The following HS6ST2 variants were observed in gnomAD, a reference collection of about 807,000 sequenced individuals.
The protein encoded by HS6ST2 is heparan-sulfate 6-O-sulfotransferase 2.
Under a neutral mutation model 33.0 loss-of-function variants are expected in HS6ST2, and 17 were observed. The observed-to-expected ratio is 0.52, with a 90% CI of 0.35 to 0.77. The LOEUF (loss-of-function observed/expected upper bound fraction) is 0.77. Ranked by LOEUF, HS6ST2 falls within the 30% of genes least tolerant of loss-of-function variation. The pLI is 0.01. For synonymous variants in HS6ST2, 248 were observed against 237.1 expected (o/e 1.05, Z -0.42); for missense variants, 519 against 551.7 (o/e 0.94, Z 0.59).
At chrX:132,908,991 G>GA (rs397975321) in intron 2 of HS6ST2, among the ~76,000 whole-genome samples, 3,920 of 40,243 alleles carry the variant, frequency 0.097, 222 homozygotes, top group African/African-American at 0.19. Flanking sequence ...GAACTCCACT[G>GA]AAAAAAAAAA....
rs1229541117 is a variant in HS6ST2, at chrX:132,834,366, C to G, written c.947+122442G>C. 2.3e-4 allele frequency among the ~76,000 whole-genome samples: 26 copies of G among 112,011 alleles called. No homozygotes were observed. The Admixed American group carries it at 2.5e-3, about 11-fold the overall frequency. On this transcript the variant is annotated intron_variant, in intron 2 of 4. Coordinates refer to ENST00000370833, the MANE Select transcript of HS6ST2 (RefSeq NM_001394073.1). ...ATCTGTTTGACCTCTCAGAGCTTAA[C>G]GGATGGCCCAGCTGTGATGAAATCT...
chrX:132,749,077 C>T (rs1015536095), intron 2 of HS6ST2, among the ~76,000 whole-genome samples: 1 of 112,069 alleles, frequency 8.9e-6, no homozygotes, highest in African/African-American at 3.2e-5. Flanking sequence ...TCCCACCTGA[C>T]CCAGCTCAAA....
intron 3 of HS6ST2, among the ~76,000 whole-genome samples, chrX:132,695,633 A>G (rs1325496639): frequency 8.9e-6 from 1 of 112,084 alleles, no homozygotes; most frequent in Non-Finnish European, 1.9e-5. Context: ...AGTGAAATAA[A>G]CCAGATACTA....
intron 2 of HS6ST2, among the ~76,000 whole-genome samples, chrX:132,921,358 A>G (rs756983284): frequency 1.1e-4 from 12 of 112,373 alleles, no homozygotes; most frequent in Non-Finnish European, 5.6e-5. Flanking sequence ...TGCATAGTTA[A>G]GTTTGAAAAG....
chrX:132,789,813 G>A, intron 2 of HS6ST2, among the ~76,000 whole-genome samples: 1 of 111,539 alleles, frequency 9.0e-6, no homozygotes, highest in East Asian at 2.8e-4. Context: ...CTGCAGATGT[G>A]GTGGAAACAG....
intron 2 of HS6ST2, among the ~76,000 whole-genome samples, chrX:132,930,527 G>A (rs905239147): frequency 1.8e-5 from 2 of 110,989 alleles, no homozygotes; most frequent in South Asian, 3.9e-4. Context: ...AGACATTGAG[G>A]CAGGCTGGAA....
chrX:132,698,050 C>T (rs775326301), intron 3 of HS6ST2, among the ~76,000 whole-genome samples: 19 of 111,721 alleles, frequency 1.7e-4, no homozygotes, highest in South Asian at 7.5e-4. Flanking sequence ...CAAGAAGGAG[C>T]ACACAAGGGG....
rs201060046 is a variant in HS6ST2, at chrX:132,901,013, T to A, written c.947+55795A>T. Among the ~76,000 whole-genome samples, 3 of 112,501 alleles carry A rather than the reference T, an allele frequency of 2.7e-5. No individual in the cohort carries two copies. In the East Asian group the frequency reaches 8.4e-4, roughly 32 times the overall value. ...GCAAATTGCCCTATGCAGAGTTCCATGGGGCAAGGAACTGATGGGGGTTTC... is the reference window on the plus strand; with the variant it reads ...GCAAATTGCCCTATGCAGAGTTCCAAGGGGCAAGGAACTGATGGGGGTTTC... On this transcript the variant is annotated intron_variant, in intron 2 of 4. Coordinates refer to ENST00000370833, the MANE Select transcript of HS6ST2 (RefSeq NM_001394073.1).
intron 2 of HS6ST2, among the ~76,000 whole-genome samples, chrX:132,905,762 T>A (rs1046385958): frequency 8.1e-5 from 9 of 111,666 alleles, no homozygotes; most frequent in Admixed American, 2.8e-4. Flanking sequence ...TTAAAAAAAA[T>A]TAAAAGAATA....
At chrX:132,746,463 A>G (rs1217605031) in intron 2 of HS6ST2, among the ~76,000 whole-genome samples, 1 of 111,247 alleles carries the variant, frequency 9.0e-6, no homozygotes, top group Non-Finnish European at 1.9e-5. Flanking sequence ...AAATCGCGCC[A>G]CTGCACTCCA....
intron 2 of HS6ST2, among the ~76,000 whole-genome samples, chrX:132,721,927 G>A (rs763377819): frequency 1.8e-5 from 2 of 111,254 alleles, no homozygotes; most frequent in African/African-American, 6.5e-5. Flanking sequence ...GGTGGCTCAC[G>A]CCTGTAATCC....
chrX:132,721,718 T>C (rs983696872), intron 2 of HS6ST2, among the ~76,000 whole-genome samples: 38 of 112,269 alleles, frequency 3.4e-4, no homozygotes, highest in African/African-American at 1.2e-3. Context: ...TTTTCTAGTG[T>C]GAACCCAACT....
At chrX:132,709,262 C>T (rs953595287) in intron 2 of HS6ST2, among the ~76,000 whole-genome samples, 1 of 112,309 alleles carries the variant, frequency 8.9e-6, no homozygotes, top group Non-Finnish European at 1.9e-5. Context: ...CTCAGTTAGC[C>T]TTTTGTTTTT....
At chrX:132,680,734 C>T (rs140704366) in intron 3 of HS6ST2, among the ~76,000 whole-genome samples, 1,113 of 110,671 alleles carry the variant, frequency 0.01, 6 homozygotes, top group African/African-American at 0.035. Context: ...TGGTGGCTCA[C>T]ACCTGTAATC....
chrX:132,652,627 T>C (rs758844105), intron 4 of HS6ST2, among the ~76,000 whole-genome samples: 3 of 111,851 alleles, frequency 2.7e-5, no homozygotes, highest in Non-Finnish European at 5.6e-5. Context: ...TGAATTTAAT[T>C]TGAGCTTTCA....
At chrX:132,940,199 C>G (rs2066872514) in intron 2 of HS6ST2, among the ~76,000 whole-genome samples, 2 of 111,776 alleles carry the variant, frequency 1.8e-5, no homozygotes, top group South Asian at 7.5e-4. Context: ...GAAAAACAGT[C>G]TTCAACAAAG....
At chrX:132,649,887 A>G (rs1384363966) in intron 4 of HS6ST2, among the ~76,000 whole-genome samples, 1 of 109,739 alleles carries the variant, frequency 9.1e-6, no homozygotes, top group Non-Finnish European at 1.9e-5. Context: ...ACTCCGAAGT[A>G]GGTGATTACA....
intron 4 of HS6ST2, among the ~76,000 whole-genome samples, chrX:132,666,710 CA>C (rs1421793250): frequency 1.8e-5 from 2 of 111,547 alleles, no homozygotes; most frequent in Non-Finnish European, 3.8e-5. Context: ...TTGTTTTCTT[CA>C]AAAACAGAGA....
chrX:132,777,584 A>G (rs1469734166), intron 2 of HS6ST2, among the ~76,000 whole-genome samples: 1 of 96,904 alleles, frequency 1.0e-5, no homozygotes, highest in Non-Finnish European at 2.0e-5. Context: ...GCATGCCACC[A>G]CCACACCCGG....
Sources: allele counts gnomAD v4.1 joint callset (sites outside exome capture counted in the v4.1 genomes callset), GRCh38; gene constraint gnomAD v4.1.1; transcripts MANE v1.5; gene names NCBI Gene and HGNC (gene_info 2026-07-23, HGNC 2026-07-21).